The following RAB5A variants were observed in gnomAD, a reference collection of about 807,000 sequenced individuals.
RAB5A encodes RAB5A, member RAS oncogene family.
RAB5A carries 8 observed loss-of-function variants against 25.7 expected under a neutral mutation model. The ratio of observed to expected loss-of-function variants is 0.31; its 90% CI spans 0.18 to 0.56. RAB5A has a LOEUF of 0.56. Among genes scored for constraint, RAB5A ranks in the 20% least tolerant of loss-of-function variants. The probability of loss-of-function intolerance (pLI) is 0.91; values close to 1 mark genes in which losing one functional copy is unlikely to be tolerated. For missense variants in RAB5A, 192 were observed against 259.7 expected (o/e 0.74, Z 1.79); for synonymous variants, 98 against 89.8 (o/e 1.09, Z -0.52).
chr3:19,956,640 A>G (rs537773523), intron 2 of RAB5A, among the ~76,000 whole-genome samples: 1 of 152,356 alleles, frequency 6.6e-6, no homozygotes, highest in East Asian at 1.9e-4. Flanking sequence ...AGTTATTATT[A>G]ACATACTATT....
chr3:19,972,955 T>C (rs1696771784), intron 2 of RAB5A, among the ~76,000 whole-genome samples: 1 of 152,146 alleles, frequency 6.6e-6, no homozygotes, highest in African/African-American at 2.4e-5. Context: ...GTTGAAAATA[T>C]TAAGGGGGAA....
intron 2 of RAB5A, among the ~76,000 whole-genome samples, chr3:19,951,493 G>C (rs1421555559): frequency 1.3e-5 from 2 of 152,094 alleles, no homozygotes; most frequent in Admixed American, 6.5e-5. Flanking sequence ...ATACTTACTT[G>C]TAAAATTAAA....
chr3:19,978,996 T>TG (rs899812951), intron 5 of RAB5A: 1 of 150,372 alleles, frequency 6.7e-6, no homozygotes, highest in South Asian at 2.1e-4. Context: ...TTTTTTTTTT[T>TG]GAGACAGTCT....
rs749930489 is a variant in RAB5A, at chr3:19,975,520, G to T, written c.164-81G>T. On this transcript the variant is annotated intron_variant, in intron 2 of 5. Transcript: ENST00000273047. ...CGGGGTACAGTGTGACATTTTGATA[G>T]ATGTATACAAGCAGGTGTTTTCTAT... 3.0e-6 allele frequency: 4 copies of T among 1,355,286 alleles called. No homozygotes were observed. In the African/African-American group the frequency reaches 4.3e-5, roughly 15 times the overall value. The allele number at this position is 1,355,286 out of a possible 1,614,324, so 84.0% of individuals were successfully genotyped here. A position where few individuals can be genotyped will look rare whatever the true frequency, so the allele number is the denominator to read the frequency against.
At chr3:19,961,120 AG>A (rs1696578707) in intron 2 of RAB5A, among the ~76,000 whole-genome samples, 2 of 152,226 alleles carry the variant, frequency 1.3e-5, no homozygotes, top group Admixed American at 1.3e-4. Flanking sequence ...TAGGAAATAA[AG>A]GATAATTTAA....
chr3:19,968,978 C>T (rs1696698387), intron 2 of RAB5A, among the ~76,000 whole-genome samples: 2 of 150,974 alleles, frequency 1.3e-5, no homozygotes, highest in South Asian at 4.2e-4. Flanking sequence ...CGGAGTTGTA[C>T]GAAATCACCA....
At chr3:19,959,570 A>G (rs1348414795) in intron 2 of RAB5A, among the ~76,000 whole-genome samples, 1 of 150,926 alleles carries the variant, frequency 6.6e-6, no homozygotes, top group East Asian at 1.9e-4. Context: ...GGACTTTGTG[A>G]GATTTATTCT....
At chr3:19,983,197 G>C (rs1373719141) in intron 5 of RAB5A, among the ~76,000 whole-genome samples, 1 of 151,938 alleles carries the variant, frequency 6.6e-6, no homozygotes, top group Non-Finnish European at 1.5e-5. Flanking sequence ...TTAGCTGGGT[G>C]TGGTGGGGCA....
chr3:19,971,129 G>A (rs55870042), intron 2 of RAB5A, among the ~76,000 whole-genome samples: 6 of 150,686 alleles, frequency 4.0e-5, no homozygotes, highest in African/African-American at 9.8e-5. Context: ...CCCAGGAAGC[G>A]GAGGTTTCAG....
chr3:19,983,553 A>G (rs1262504599), intron 5 of RAB5A, among the ~76,000 whole-genome samples, 155 bp from the exon 6 acceptor site: 5 of 152,176 alleles, frequency 3.3e-5, no homozygotes, highest in Non-Finnish European at 7.3e-5. Context: ...ATATTTTGGC[A>G]TTCAATACTC....
intron 2 of RAB5A, among the ~76,000 whole-genome samples, chr3:19,974,438 C>T (rs187411981): frequency 4.9e-4 from 75 of 152,146 alleles, no homozygotes; most frequent in African/African-American, 1.5e-3. Flanking sequence ...CAGGCATGAG[C>T]CACCACGCCT....
chr3:19,962,317 C>A (rs7618928), intron 2 of RAB5A, among the ~76,000 whole-genome samples: 25,697 of 152,110 alleles, frequency 0.17, 2,094 homozygotes, highest in South Asian at 0.21. Context: ...CACCTGTAAT[C>A]CCAGCACTTT....
intron 2 of RAB5A, among the ~76,000 whole-genome samples, chr3:19,960,870 G>C (rs1024663911): frequency 6.6e-6 from 1 of 152,104 alleles, no homozygotes; most frequent in African/African-American, 2.4e-5. Context: ...GTAGTTGTTG[G>C]ATATTCTTTG....
intron 2 of RAB5A, among the ~76,000 whole-genome samples, chr3:19,952,241 T>A (rs778712675): frequency 3.9e-5 from 6 of 152,202 alleles, no homozygotes; most frequent in Non-Finnish European, 8.8e-5. Context: ...CAAGATAGCC[T>A]CTTTTGGGCC....
chr3:19,949,961 C>T (rs1696399307), intron 1 of RAB5A, among the ~76,000 whole-genome samples: 1 of 152,110 alleles, frequency 6.6e-6, no homozygotes, highest in Non-Finnish European at 1.5e-5. Flanking sequence ...TTGCTTGAGC[C>T]CAGGAGGTCT....
At chr3:19,971,418 C>A (rs115567454) in intron 2 of RAB5A, among the ~76,000 whole-genome samples, 2 of 151,816 alleles carry the variant, frequency 1.3e-5, no homozygotes, top group African/African-American at 4.8e-5. Flanking sequence ...TTTTCTCCCC[C>A]AAAATTATGC....
At position 19,984,257 on chromosome 3, in the gene RAB5A, T is replaced by G. The variant is rs1308017857; in HGVS notation, c.*434T>G. The G allele has an allele frequency of 2.3e-6, 1 of 431,148 alleles. No homozygotes were observed. The highest frequency in any genetic ancestry group is 2.1e-5 in the African/African-American group (1 of 47,912). 26.7% of individuals were successfully genotyped at this position (431,148 alleles called of 1,614,324 possible). ...AGATTCTAAAGTTATTTATGATGCT[T>G]AGCCATAGTATTCAGGCAAATGTTC... On this transcript the variant is annotated 3_prime_UTR_variant, in exon 6 of 6. Coordinates refer to ENST00000273047, the MANE Select transcript of RAB5A (RefSeq NM_004162.5).
intron 5 of RAB5A, among the ~76,000 whole-genome samples, chr3:19,979,347 G>C (rs577967821): frequency 6.7e-6 from 1 of 149,254 alleles, no homozygotes. Context: ...GCAGTGGGAC[G>C]ATCTCGGCTC....
chr3:19,959,256 A>G (rs1040025888), intron 2 of RAB5A, among the ~76,000 whole-genome samples: 2 of 152,138 alleles, frequency 1.3e-5, no homozygotes, highest in Admixed American at 1.3e-4. Flanking sequence ...TCAAAATAAA[A>G]CCAGAAATCA....
Sources: gnomAD v4.1 joint callset for allele counts (sites outside exome capture counted in the v4.1 genomes callset) on GRCh38, gnomAD v4.1.1 for gene constraint, MANE v1.5 for transcripts, NCBI Gene and HGNC (gene_info 2026-07-23, HGNC 2026-07-21) for gene names.